Variants in IL1RAPL1 observed in about 807,000 individuals in gnomAD.
IL1RAPL1 encodes interleukin 1 receptor accessory protein like 1, also known as interleukin-1 receptor accessory protein-like 1.
In IL1RAPL1, 3 loss-of-function variants were observed where a neutral mutation model predicts 48.4. The observed-to-expected ratio is 0.06, with a 90% CI of 0.03 to 0.16. The LOEUF (loss-of-function observed/expected upper bound fraction) is 0.16. Among genes scored for constraint, IL1RAPL1 ranks in the 10% least tolerant of loss-of-function variants. The pLI is 1.00. For synonymous variants in IL1RAPL1, 185 were observed against 187.7 expected (o/e 0.99, Z 0.12); for missense variants, 349 against 530.6 (o/e 0.66, Z 3.36).
At chrX:29,727,544 G>C (rs1300227705) in intron 6 of IL1RAPL1, among the ~76,000 whole-genome samples, 1 of 111,827 alleles carries the variant, frequency 8.9e-6, no homozygotes, top group Non-Finnish European at 1.9e-5. Flanking sequence ...GGGATGCCAT[G>C]GGGTCATTAA....
At chrX:28,708,045 G>C (rs1394360062) in intron 1 of IL1RAPL1, among the ~76,000 whole-genome samples, 1 of 111,480 alleles carries the variant, frequency 9.0e-6, no homozygotes, top group African/African-American at 3.3e-5. Flanking sequence ...AGTGTTCAGA[G>C]AGCCCATTGA....
intron 2 of IL1RAPL1, among the ~76,000 whole-genome samples, chrX:29,116,737 A>T (rs1346239923): frequency 9.0e-6 from 1 of 111,444 alleles, no homozygotes; most frequent in Non-Finnish European, 1.9e-5. Context: ...TATATGGGTC[A>T]TTAGTGGAGA....
chrX:29,538,641 GTT>G (rs11313428), intron 5 of IL1RAPL1, among the ~76,000 whole-genome samples: 42 of 98,588 alleles, frequency 4.3e-4, no homozygotes, highest in South Asian at 9.6e-4. Context: ...CCTGGCCAAG[GTT>G]TTTTTTTTTT....
At chrX:28,608,004 G>A (rs751301997) in intron 1 of IL1RAPL1, among the ~76,000 whole-genome samples, 9 of 111,344 alleles carry the variant, frequency 8.1e-5, no homozygotes, top group Non-Finnish European at 1.3e-4. Flanking sequence ...GGATAGACAA[G>A]GTTTCTTTCC....
chrX:29,596,480 T>G (rs1923555203), intron 5 of IL1RAPL1, among the ~76,000 whole-genome samples: 1 of 112,092 alleles, frequency 8.9e-6, no homozygotes, highest in Non-Finnish European at 1.9e-5. Flanking sequence ...TATTTGATTA[T>G]TTTTTGCAGC....
At chrX:29,203,989 CATA>C (rs752457615) in intron 2 of IL1RAPL1, among the ~76,000 whole-genome samples, 1 of 109,804 alleles carries the variant, frequency 9.1e-6, no homozygotes, top group East Asian at 2.9e-4. Context: ...TTTCATTTAA[CATA>C]ATGACCTCCA....
At chrX:29,647,563 G>A (rs903065772) in intron 5 of IL1RAPL1, among the ~76,000 whole-genome samples, 3 of 110,910 alleles carry the variant, frequency 2.7e-5, no homozygotes, top group Non-Finnish European at 5.7e-5. Context: ...GTGTGTGGTC[G>A]AAGTTAAATT....
intron 6 of IL1RAPL1, among the ~76,000 whole-genome samples, chrX:29,741,935 GA>G (rs1182352727): frequency 0.018 from 1,097 of 61,740 alleles, 4 homozygotes; most frequent in African/African-American, 0.035. Context: ...AAAAAAAAAA[GA>G]AAAAAAAAAA....
At chrX:29,344,794 C>T (rs1438816799) in intron 3 of IL1RAPL1, among the ~76,000 whole-genome samples, 7 of 111,968 alleles carry the variant, frequency 6.3e-5, no homozygotes, top group Non-Finnish European at 1.3e-4. Context: ...CATGCCACCA[C>T]GCCCAGCTAA....
At chrX:28,755,364 T>A (rs775614963) in intron 1 of IL1RAPL1, among the ~76,000 whole-genome samples, 10 of 112,527 alleles carry the variant, frequency 8.9e-5, no homozygotes, top group Non-Finnish European at 1.9e-4. Context: ...ACTAGCCACA[T>A]GTGGCTGTGT....
intron 2 of IL1RAPL1, among the ~76,000 whole-genome samples, chrX:29,018,222 C>T (rs968844450): frequency 8.9e-6 from 1 of 112,041 alleles, no homozygotes; most frequent in Non-Finnish European, 1.9e-5. Context: ...GTTTCATTGC[C>T]TCACAGACTA....
chrX:28,957,499 A>G (rs1924646296), intron 2 of IL1RAPL1, among the ~76,000 whole-genome samples: 1 of 111,521 alleles, frequency 9.0e-6, no homozygotes, highest in Non-Finnish European at 1.9e-5. Context: ...TGTAATTATT[A>G]TTTGCACATA....
At chrX:28,620,611 C>T (rs958025090) in intron 1 of IL1RAPL1, among the ~76,000 whole-genome samples, 2 of 111,729 alleles carry the variant, frequency 1.8e-5, no homozygotes, top group African/African-American at 6.5e-5. Flanking sequence ...TCTTTCACCA[C>T]GGATTTTGAT....
chrX:29,689,693 A>G (rs753164825), intron 6 of IL1RAPL1, among the ~76,000 whole-genome samples: 17 of 112,529 alleles, frequency 1.5e-4, no homozygotes, highest in Non-Finnish European at 3.0e-4. Flanking sequence ...ATGACAGAAC[A>G]TATGTTGGCT....
intron 6 of IL1RAPL1, among the ~76,000 whole-genome samples, chrX:29,771,450 G>A (rs1036866800): frequency 4.5e-5 from 5 of 112,061 alleles, no homozygotes; most frequent in Admixed American, 9.5e-5. Context: ...CTTCTCTGTT[G>A]TCTGAATTCC....
intron 1 of IL1RAPL1, among the ~76,000 whole-genome samples, chrX:28,630,347 CA>C (rs1261152575): frequency 1.5e-4 from 17 of 111,843 alleles, no homozygotes; most frequent in African/African-American, 4.2e-4. Flanking sequence ...GCAATCCAAT[CA>C]GGACACTTCT....
At chrX:29,460,434 C>CT (rs1286663176) in intron 5 of IL1RAPL1, among the ~76,000 whole-genome samples, 57 of 112,111 alleles carry the variant, frequency 5.1e-4, no homozygotes, top group African/African-American at 1.7e-3. Flanking sequence ...TGGGCAATTT[C>CT]TTCCTGCAAC....
intron 5 of IL1RAPL1, among the ~76,000 whole-genome samples, chrX:29,624,002 G>A (rs1278109979): frequency 8.9e-6 from 1 of 111,741 alleles, no homozygotes; most frequent in Non-Finnish European, 1.9e-5. Context: ...TGTAAGTCAG[G>A]TTTGCCTGCA....
chrX:29,507,693 A>G (rs1935351186), intron 5 of IL1RAPL1, among the ~76,000 whole-genome samples: 2 of 109,547 alleles, frequency 1.8e-5, no homozygotes, highest in African/African-American at 6.7e-5. Context: ...GATAGTACCT[A>G]TAGTGTGTTC....
Sources: allele counts gnomAD v4.1 joint callset (sites outside exome capture counted in the v4.1 genomes callset), GRCh38; gene constraint gnomAD v4.1.1; transcripts MANE v1.5; gene names NCBI Gene and HGNC (gene_info 2026-07-23, HGNC 2026-07-21).